GFRAL: variants seen among roughly 807,000 people sequenced by gnomAD.
GFRAL encodes GDNF family receptor alpha like, also known as GDNF family receptor alpha-like.
In GFRAL, 36 loss-of-function variants were observed where a neutral mutation model predicts 45.4. The observed-to-expected ratio is 0.79, with a 90% CI of 0.61 to 1.05. GFRAL has a LOEUF of 1.05. Ranked by LOEUF, GFRAL falls within the 50% of genes least tolerant of loss-of-function variation. The probability of loss-of-function intolerance (pLI) is 0.00; values close to 1 mark genes in which losing one functional copy is unlikely to be tolerated. For synonymous variants in GFRAL, 166 were observed against 154.1 expected (o/e 1.08, Z -0.57); for missense variants, 507 against 467.5 (o/e 1.08, Z -0.78).
Position 55,399,349 on chromosome 6 carries a change from T to C in GFRAL, c.1049-20T>C, listed in dbSNP as rs917976388. 6.3e-7 allele frequency: 1 copy of C among 1,588,708 alleles called. No homozygotes were observed. ...TAAAAATCCAGTGACTATTATTTCTTAATCTTTTTCTTTTTCTAGGAGAAG... is the reference window on the plus strand; with the variant it reads ...TAAAAATCCAGTGACTATTATTTCTCAATCTTTTTCTTTTTCTAGGAGAAG... On this transcript the variant is annotated intron_variant, in intron 7 of 8. Transcript: ENST00000340465.
rs376345396 is a variant in GFRAL, at chr6:55,331,795, G to A, written c.103G>A (p.Ala35Thr). 4 of 1,611,596 alleles carry A rather than the reference G, an allele frequency of 2.5e-6. No individual in the cohort carries two copies. The highest frequency in any genetic ancestry group is 3.4e-6 in the Non-Finnish European group (4 of 1,178,946). The change falls in exon 2 of 9, where the codon GCA (alanine) becomes ACA (threonine). Residue 35 changes from alanine to threonine, a missense_variant. Transcript: ENST00000340465. Reference protein sequence around the residue: ...TYLREQCLRDANGCKHAWRVM... With the variant: ...TYLREQCLRDTNGCKHAWRVM... Reference sequence around the variant, plus strand: ...TTTAAGAGAGCAATGCTTACGTGATGCAAATGGATGTAAACATGCTTGGAG... The same window carrying A: ...TTTAAGAGAGCAATGCTTACGTGATACAAATGGATGTAAACATGCTTGGAG...
chr6:55,331,920 G>A, intron 2 of GFRAL, 71 bp downstream of exon 2: 2 of 1,419,174 alleles, frequency 1.4e-6, no homozygotes, highest in Non-Finnish European at 1.9e-6. Context: ...TTGATATTTT[G>A]TCATTATCCT....
At chr6:55,344,630 C>T (rs1171121437) in intron 3 of GFRAL, among the ~76,000 whole-genome samples, 3 of 152,148 alleles carry the variant, frequency 2.0e-5, no homozygotes, top group Non-Finnish European at 4.4e-5. Context: ...AAAACTGGCA[C>T]AAGACAGGGA....
chr6:55,345,737 T>C (rs535074770), intron 3 of GFRAL, among the ~76,000 whole-genome samples: 1,947 of 152,166 alleles, frequency 0.013, 42 homozygotes, highest in African/African-American at 0.044. Context: ...CAAAAGAAAC[T>C]ACCATCAGAG....
intron 6 of GFRAL, among the ~76,000 whole-genome samples, chr6:55,367,577 T>C (rs1768382488): frequency 1.3e-5 from 2 of 151,666 alleles, no homozygotes; most frequent in South Asian, 2.1e-4. Context: ...CAGCAGCTGG[T>C]ACCGGTTGTT....
In GFRAL at chr6:55,399,275, G is replaced by C; in HGVS notation, c.1048G>C (p.Gly350Arg). ...AACTGGATTTCATTCCCCCTTCAATGGTCAGTTAAAAATCAATCCTCTATA... is the reference window on the plus strand; with the variant it reads ...AACTGGATTTCATTCCCCCTTCAATCGTCAGTTAAAAATCAATCCTCTATA... ...TLTGFHSPFN[G>R]EVIYAAMCMT... The change falls in exon 7 of 9, where the codon GGA becomes CGA. Residue 350 changes from glycine (G) to arginine (R), a missense_variant and splice_region_variant. Coordinates refer to ENST00000340465, the MANE Select transcript of GFRAL (RefSeq NM_207410.2). 6.3e-7 allele frequency: 1 copy of C among 1,579,134 alleles called. No individual in the cohort carries two copies. The highest frequency in any genetic ancestry group is 8.7e-7 in the Non-Finnish European group (1 of 1,151,184).
intron 3 of GFRAL, among the ~76,000 whole-genome samples, chr6:55,344,053 C>A (rs906500258): frequency 6.6e-6 from 1 of 151,604 alleles, no homozygotes; most frequent in Admixed American, 6.6e-5. Flanking sequence ...AATAGCCTAC[C>A]AACCAAAAAA....
At chr6:55,381,569 C>T (rs1768608177) in intron 6 of GFRAL, among the ~76,000 whole-genome samples, 1 of 151,808 alleles carries the variant, frequency 6.6e-6, no homozygotes, top group Non-Finnish European at 1.5e-5. Flanking sequence ...TTTGAATACA[C>T]TCATTTATAT....
intron 6 of GFRAL, among the ~76,000 whole-genome samples, chr6:55,364,431 T>C (rs1052240148): frequency 6.8e-6 from 1 of 146,268 alleles, no homozygotes; most frequent in African/African-American, 2.6e-5. Flanking sequence ...GTGCAGAAGC[T>C]CTTTAGTTTA....
At chr6:55,386,554 G>A (rs1768684432) in intron 6 of GFRAL, among the ~76,000 whole-genome samples, 2 of 152,088 alleles carry the variant, frequency 1.3e-5, no homozygotes, top group African/African-American at 4.8e-5. Flanking sequence ...TACTGAGAGA[G>A]ACCCAGCTTC....
chr6:55,350,240 A>G, intron 4 of GFRAL, 95 bp downstream of exon 4: 2 of 719,530 alleles, frequency 2.8e-6, no homozygotes, highest in Non-Finnish European at 2.5e-6. Context: ...CCAATACAGA[A>G]CAAATCATGT....
intron 3 of GFRAL, among the ~76,000 whole-genome samples, chr6:55,340,922 A>G (rs1767955651): frequency 6.6e-6 from 1 of 152,222 alleles, no homozygotes; most frequent in Non-Finnish European, 1.5e-5. Context: ...AGCCTCGCTC[A>G]TTCCTAGCGC....
chr6:55,401,536 G>C (rs956142875), intron 8 of GFRAL, among the ~76,000 whole-genome samples: 6 of 152,124 alleles, frequency 3.9e-5, no homozygotes, highest in African/African-American at 1.4e-4. Flanking sequence ...GAAGTTTGCA[G>C]AGAAACAACT....
At chr6:55,341,470 T>C (rs759917322) in intron 3 of GFRAL, among the ~76,000 whole-genome samples, 1 of 152,128 alleles carries the variant, frequency 6.6e-6, no homozygotes, top group Non-Finnish European at 1.5e-5. Context: ...GTCCTGACTG[T>C]TAGAAGGAAA....
At chr6:55,372,679 G>T (rs570119230) in intron 6 of GFRAL, among the ~76,000 whole-genome samples, 2 of 152,082 alleles carry the variant, frequency 1.3e-5, no homozygotes, top group Admixed American at 6.6e-5. Context: ...ACACACTCAT[G>T]GTCCACTGGC....
chr6:55,345,553 T>C (rs1768029449), intron 3 of GFRAL, among the ~76,000 whole-genome samples: 1 of 152,172 alleles, frequency 6.6e-6, no homozygotes, highest in Non-Finnish European at 1.5e-5. Flanking sequence ...TCAAGATGGA[T>C]TAAAGACTTA....
intron 2 of GFRAL, among the ~76,000 whole-genome samples, chr6:55,332,609 A>T (rs1377045537): frequency 1.3e-5 from 2 of 152,116 alleles, no homozygotes; most frequent in Non-Finnish European, 2.9e-5. Context: ...TTTTTAGTAG[A>T]GACGGGATTT....
At chr6:55,394,076 A>T (rs1316337141) in intron 6 of GFRAL, among the ~76,000 whole-genome samples, 1 of 152,224 alleles carries the variant, frequency 6.6e-6, no homozygotes, top group Non-Finnish European at 1.5e-5. Context: ...TACGATTGAA[A>T]GAAGGGAAAA....
At chr6:55,379,596 CAA>C (rs59287587) in intron 6 of GFRAL, among the ~76,000 whole-genome samples, 65,834 of 142,752 alleles carry the variant, frequency 0.46, 15,008 homozygotes, top group South Asian at 0.69. Context: ...CACACACACA[CAA>C]ACTGTGGAAT....
Sources: allele counts gnomAD v4.1 joint callset (sites outside exome capture counted in the v4.1 genomes callset), GRCh38; gene constraint gnomAD v4.1.1; transcripts MANE v1.5; gene names NCBI Gene and HGNC (gene_info 2026-07-23, HGNC 2026-07-21).